The following GGT7 variants were observed in gnomAD, a reference collection of about 807,000 sequenced individuals.
GGT7 encodes the protein glutathione hydrolase 7.
Under a neutral mutation model 69.2 loss-of-function variants are expected in GGT7, and 30 were observed. The ratio of observed to expected loss-of-function variants is 0.43; its 90% confidence interval spans 0.32 to 0.59. The LOEUF is 0.59. Ranked by LOEUF, GGT7 falls within the 20% of genes least tolerant of loss-of-function variation. The pLI is 0.05. For missense variants in GGT7, 733 were observed against 901.1 expected, an observed-to-expected ratio of 0.81 and a Z score of 2.39; for synonymous variants, 388 against 391.8, an observed-to-expected ratio of 0.99 and a Z score of 0.12.
intron 1 of GGT7, among the ~76,000 whole-genome samples, chr20:34,867,637 G>A (rs2079714316): frequency 6.6e-6 from 1 of 152,168 alleles, no homozygotes; most frequent in East Asian, 1.9e-4. Flanking sequence ...CATCACTTCA[G>A]CCTGGTAGTT....
At chr20:34,848,632 G>A (rs917487270) in intron 14 of GGT7, among the ~76,000 whole-genome samples, 20 of 152,326 alleles carry the variant, frequency 1.3e-4, no homozygotes, top group African/African-American at 4.8e-4. Flanking sequence ...CGCGGTCTCT[G>A]CTTCTAATGT....
At chr20:34,859,235 G>A (rs1311754539) in intron 7 of GGT7, among the ~76,000 whole-genome samples, 1 of 151,552 alleles carries the variant, frequency 6.6e-6, no homozygotes, top group Non-Finnish European at 1.5e-5. Flanking sequence ...ATCCCAGTCA[G>A]CTCCTCCCAG....
intron 8 of GGT7, 111 bp from the exon 9 acceptor site, chr20:34,855,034 C>G (rs895799262): frequency 1.0e-6 from 1 of 1,004,810 alleles, no homozygotes; most frequent in African/African-American, 1.6e-5. Context: ...CGCTGAACTC[C>G]CTCACCAGAT....
chr20:34,872,494 C>T, intron 1 of GGT7, 153 bp downstream of exon 1: 1 of 560,014 alleles, frequency 1.8e-6, no homozygotes, highest in Non-Finnish European at 2.8e-6. Flanking sequence ...CCTTCCTCAC[C>T]AAATAATTAA....
At position 34,863,566 on chromosome 20, in the gene GGT7, G is replaced by A. The variant is rs573823249; in HGVS notation, c.170-18C>T. 20 of 1,515,194 alleles carry A rather than the reference G, an allele frequency of 1.3e-5. No individual in the cohort carries two copies. In the East Asian group the frequency reaches 4.9e-4, roughly 37 times the overall value. 93.9% of individuals were successfully genotyped at this position (1,515,194 alleles called of 1,614,324 possible). On this transcript the variant is annotated intron_variant, in intron 1 of 14. Transcript: ENST00000336431. This position sits in a 1 kb window ranked among gnomAD's most constrained non-coding sequence, Gnocchi z 4.4. ...GTCCGGGTCTGCGGGCAGGCAGCCG[G>A]GGTCGGTCTGGGCATCTCCTATCTG...
intron 7 of GGT7, among the ~76,000 whole-genome samples, chr20:34,857,886 G>C (rs1013338198): frequency 6.6e-6 from 1 of 152,138 alleles, no homozygotes; most frequent in Non-Finnish European, 1.5e-5. Context: ...CCCAAAGTGG[G>C]GATTACAGGC....
chr20:34,856,792 G>A lies in GGT7; in HGVS notation c.1102+14C>T, dbSNP rs775082723. On this transcript the variant is annotated intron_variant, in intron 8 of 14. Transcript: ENST00000336431. Reference sequence around the variant, plus strand: ...CTCCTGAGGGGGGACCCTGGGAGCCGGGGGAGAGGTCACCTCTGTACACGC... The same window carrying A: ...CTCCTGAGGGGGGACCCTGGGAGCCAGGGGAGAGGTCACCTCTGTACACGC... 14 of 1,524,016 alleles carry A rather than the reference G, an allele frequency of 9.2e-6. No individual in the cohort carries two copies. Among genetic ancestry groups the A allele is most frequent in the African/African-American group, 8.2e-5 (6 of 73,048 alleles). The allele number at this position is 1,524,016 out of a possible 1,614,324, so 94.4% of individuals were successfully genotyped here. A position where few individuals can be genotyped will look rare whatever the true frequency, so the allele number is the denominator to read the frequency against.
chr20:34,860,810 A>T (rs910321727), intron 4 of GGT7, among the ~76,000 whole-genome samples: 11 of 152,096 alleles, frequency 7.2e-5, no homozygotes, highest in African/African-American at 2.7e-4. Context: ...TCACTATGTC[A>T]CTCAGGCTGG....
intron 13 of GGT7, chr20:34,851,003 C>T (rs1182001614): frequency 3.7e-5 from 25 of 674,258 alleles, no homozygotes; most frequent in Middle Eastern, 3.1e-4. Context: ...CTGACCCTGC[C>T]ATTTCCCCTG....
At position 34,863,429 on chromosome 20, in the gene GGT7, C is replaced by T; in HGVS notation, c.289G>A (p.Ala97Thr). The part of the protein sequence containing the change: ...ETRKDPFSAA[A>T]AECSCRQDGL... ...TCCTGGCGGCAGGAGCACTCGGCCGCTGCGGCGGAGAACGGGTCTTTGCGC... is the reference window on the plus strand; with the variant it reads ...TCCTGGCGGCAGGAGCACTCGGCCGTTGCGGCGGAGAACGGGTCTTTGCGC... The change falls in exon 2 of 15, where the codon GCG (alanine) becomes ACG (threonine). Residue 97 changes from alanine to threonine, a missense_variant. Physicochemically the swap from Ala to Thr is moderately conservative, Grantham distance 58 (BLOSUM62 0). Coordinates refer to ENST00000336431, the MANE Select transcript of GGT7 (RefSeq NM_178026.3). The surrounding 1 kb of genome is among the most constrained non-coding windows in gnomAD (Gnocchi z 4.4). 6.2e-7 allele frequency: 1 copy of T among 1,613,570 alleles called. No individual in the cohort carries two copies. Among genetic ancestry groups the T allele is most frequent in the Non-Finnish European group, 8.5e-7 (1 of 1,179,942 alleles).
At chr20:34,868,608 C>T (rs2079731059) in intron 1 of GGT7, among the ~76,000 whole-genome samples, 1 of 152,144 alleles carries the variant, frequency 6.6e-6, no homozygotes, top group South Asian at 2.1e-4. Flanking sequence ...ATTCTCTCTC[C>T]TCTCTCAGCC....
intron 8 of GGT7, among the ~76,000 whole-genome samples, chr20:34,855,930 G>A (rs2079484484): frequency 6.6e-6 from 1 of 151,988 alleles, no homozygotes; most frequent in Non-Finnish European, 1.5e-5. Context: ...GAGTAGCTAG[G>A]ACTATAGGTA....
intron 6 of GGT7, 134 bp from the exon 7 acceptor site, chr20:34,859,773 G>A (rs2079557770): frequency 9.5e-6 from 8 of 843,424 alleles, no homozygotes; most frequent in South Asian, 5.1e-5. Flanking sequence ...TGTTAAGTGC[G>A]AGGCAGGGAT....
Position 34,852,203 on chromosome 20 carries a change from C to T in GGT7, c.1539G>A (p.Leu513=). 1.9e-6 allele frequency: 3 copies of T among 1,614,058 alleles called. No homozygotes were observed. Among genetic ancestry groups the T allele is most frequent in the East Asian group, 2.2e-5 (1 of 44,878 alleles). Residue 513 remains leucine, a synonymous_variant, in exon 12 of 15, where the codon CTG becomes CTA. Transcript: ENST00000336431. ...CTGTCCGGTTGGGCCAGGAGAAGTC[C>T]AGCATCTGGCTGTTGAGCAGGATCC... ...PSGILLNSQM[L]DFSWPNRTAN... is the part of the protein sequence containing the mutation.
chr20:34,853,549 G>A (rs964008284), intron 10 of GGT7, among the ~76,000 whole-genome samples: 9 of 138,578 alleles, frequency 6.5e-5, no homozygotes, highest in Admixed American at 5.8e-4. Flanking sequence ...GCGACAGAGC[G>A]AGACTCCATC....
chr20:34,860,160 G>T, intron 5 of GGT7, 94 bp downstream of exon 5: 1 of 1,047,658 alleles, frequency 9.5e-7, no homozygotes. Context: ...TTAGGAGGGG[G>T]AGTTGGGAAA....
intron 1 of GGT7, among the ~76,000 whole-genome samples, chr20:34,864,308 A>ACATTTG (rs2079653295): frequency 6.6e-6 from 1 of 152,108 alleles, no homozygotes; most frequent in Non-Finnish European, 1.5e-5. Context: ...GAAAGAGGGA[A>ACATTTG]CAGTGGATGC....
chr20:34,845,135 A>ACCACCC lies in GGT7; in HGVS notation c.*192_*193insGGGTGG. On this transcript the variant is annotated 3_prime_UTR_variant, in exon 15 of 15. Transcript: ENST00000336431. Reference sequence around the variant, plus strand: ...ACTCACCACCACCACCACCACCACCACCACCACCACCACCACCACAGGCCT... The same window carrying ACCACCC: ...ACTCACCACCACCACCACCACCACCACCACCCCCACCACCACCACCACCACAGGCCT... The ACCACCC allele has an allele frequency of 3.1e-6, 1 of 319,560 alleles. No homozygotes were observed. The highest frequency in any genetic ancestry group is 6.0e-6 in the Non-Finnish European group (1 of 167,820). 19.8% of individuals were successfully genotyped at this position (319,560 alleles called of 1,614,324 possible). A position where few individuals can be genotyped will look rare whatever the true frequency, so the allele number is the denominator to read the frequency against.
At chr20:34,868,145 C>T (rs540607023) in intron 1 of GGT7, among the ~76,000 whole-genome samples, 1 of 152,244 alleles carries the variant, frequency 6.6e-6, no homozygotes, top group African/African-American at 2.4e-5. Flanking sequence ...GCATTACAGG[C>T]GTGAGCCACT....
Sources: allele counts gnomAD v4.1 joint callset (sites outside exome capture counted in the v4.1 genomes callset), GRCh38; gene constraint gnomAD v4.1.1; non-coding constraint Gnocchi (gnomAD v3.1); transcripts MANE v1.5; gene names NCBI Gene and HGNC (gene_info 2026-07-23, HGNC 2026-07-21).